The following NCKAP5 variants were observed in gnomAD, a reference collection of about 807,000 sequenced individuals.
NCKAP5 encodes the protein nck-associated protein 5.
A neutral mutation model predicts 167.0 loss-of-function variants in NCKAP5; 92 were observed. The observed-to-expected ratio is 0.55, with a 90% confidence interval of 0.47 to 0.66. NCKAP5 has a LOEUF of 0.66. Ranked by LOEUF, NCKAP5 falls within the 30% of genes least tolerant of loss-of-function variation. NCKAP5 has a pLI of 0.00. For missense variants in NCKAP5, 2,378 were observed against 2,315.0 expected (o/e 1.03, Z -0.56); for synonymous variants, 891 against 877.4 (o/e 1.02, Z -0.27).
rs747841058 is a variant in NCKAP5 at position 133,512,292 on chromosome 2, G to A, written c.69+5166C>T. On this transcript the variant is annotated intron_variant, in intron 3 of 19. Transcript: ENST00000409261. ...TGGGGTATATGTACCTTTGATAACA[G>A]CCTAAACCTGTTCCTCTGCCTGCCC... Among the ~76,000 whole-genome samples, 69 of 152,040 alleles carry A rather than the reference G, an allele frequency of 4.5e-4. 2 individuals are homozygous for A. Among genetic ancestry groups the A allele is most frequent in the Admixed American group, 4.6e-4 (7 of 15,266 alleles).
At chr2:132,864,372 G>T (rs986461408) in intron 10 of NCKAP5, among the ~76,000 whole-genome samples, 1 of 152,060 alleles carries the variant, frequency 6.6e-6, no homozygotes, top group African/African-American at 2.4e-5. Context: ...AAGGTACAGT[G>T]GTGTTTGGGT....
intron 11 of NCKAP5, among the ~76,000 whole-genome samples, chr2:132,850,620 T>C (rs895771269): frequency 3.3e-5 from 5 of 152,034 alleles, no homozygotes; most frequent in African/African-American, 1.2e-4. Flanking sequence ...GTTTGGGAAA[T>C]GGCATATTTG....
At chr2:132,683,429 G>T (rs1254663487) in intron 19 of NCKAP5, among the ~76,000 whole-genome samples, 1 of 152,148 alleles carries the variant, frequency 6.6e-6, no homozygotes, top group Non-Finnish European at 1.5e-5. Flanking sequence ...AAGACATGTG[G>T]ATTCACCTCC....
At chr2:132,969,578 CTT>C (rs985601162) in intron 7 of NCKAP5, among the ~76,000 whole-genome samples, 60 of 152,162 alleles carry the variant, frequency 3.9e-4, no homozygotes, top group African/African-American at 1.4e-3. Context: ...GAGGCCAGCT[CTT>C]GAGGCATTCA....
At chr2:133,475,827 A>G (rs1350227236) in intron 3 of NCKAP5, among the ~76,000 whole-genome samples, 1 of 152,244 alleles carries the variant, frequency 6.6e-6, no homozygotes, top group Non-Finnish European at 1.5e-5. Flanking sequence ...AAAGGCATCA[A>G]TATTCTCTTA....
In NCKAP5 at chr2:133,566,057, C is replaced by A. The variant is rs934840446; in HGVS notation, c.-130+2159G>T. Among the ~76,000 whole-genome samples the A allele has an allele frequency of 2.0e-5, 3 of 152,092 alleles. No homozygotes were observed. In the South Asian group the frequency reaches 6.2e-4, roughly 32 times the overall value. On this transcript the variant is annotated intron_variant, in intron 1 of 19. Transcript: ENST00000409261. ...GAATCACCACTTGGACCAGGAGAGT[C>A]CAGGAAGGCCCCCCGCCCCTAGGTA...
intron 3 of NCKAP5, among the ~76,000 whole-genome samples, chr2:133,461,933 T>C (rs763813518): frequency 6.6e-6 from 1 of 152,168 alleles, no homozygotes; most frequent in African/African-American, 2.4e-5. Context: ...GCTTTTCACT[T>C]ACTGTGTCAT....
intron 6 of NCKAP5, among the ~76,000 whole-genome samples, chr2:133,027,600 T>C (rs923949071): frequency 1.3e-5 from 2 of 152,132 alleles, no homozygotes; most frequent in African/African-American, 2.4e-5. Context: ...TAAGGGTATA[T>C]AGGGAGTTGT....
At chr2:133,519,154 T>C (rs1419744894) in intron 2 of NCKAP5, among the ~76,000 whole-genome samples, 2 of 152,308 alleles carry the variant, frequency 1.3e-5, no homozygotes, top group East Asian at 1.9e-4. Context: ...AGATGGGGAA[T>C]GCCCAAACTA....
At chr2:133,368,821 AG>A (rs1685613556) in intron 3 of NCKAP5, among the ~76,000 whole-genome samples, 1 of 152,386 alleles carries the variant, frequency 6.6e-6, no homozygotes, top group East Asian at 1.9e-4. Context: ...ATCTCAAATA[AG>A]AGAATACAGT....
At chr2:133,337,189 ACTCACACTC>A (rs1362594169) in intron 3 of NCKAP5, among the ~76,000 whole-genome samples, 1 of 152,142 alleles carries the variant, frequency 6.6e-6, no homozygotes, top group Non-Finnish European at 1.5e-5. Flanking sequence ...TAGTACATGG[ACTCACACTC>A]AACATACCTG....
At chr2:132,690,527 G>A (rs1257509058) in intron 19 of NCKAP5, among the ~76,000 whole-genome samples, 3 of 152,156 alleles carry the variant, frequency 2.0e-5, no homozygotes, top group Admixed American at 6.6e-5. Context: ...TATGCCCTAG[G>A]AACTCAGCTC....
intron 6 of NCKAP5, among the ~76,000 whole-genome samples, chr2:133,063,753 G>T (rs1476748051): frequency 6.6e-6 from 1 of 152,186 alleles, no homozygotes; most frequent in Non-Finnish European, 1.5e-5. Context: ...AATATTAGCT[G>T]AGCAAAGTGA....
chr2:133,571,147 C>T (rs756312545), upstream of NCKAP5, among the ~76,000 whole-genome samples: 10 of 152,070 alleles, frequency 6.6e-5, no homozygotes, highest in Non-Finnish European at 1.0e-4. Flanking sequence ...AGATATCTTA[C>T]GTCTATAATC....
At chr2:133,635,877 G>A in the NCKAP5 span, among the ~76,000 whole-genome samples, 1 of 152,190 alleles carries the variant, frequency 6.6e-6, no homozygotes, top group African/African-American at 2.4e-5. Flanking sequence ...GAAGGAATGA[G>A]CCAAACCTTT....
chr2:133,126,478 T>G (rs998476189), intron 6 of NCKAP5, among the ~76,000 whole-genome samples: 9 of 152,198 alleles, frequency 5.9e-5, no homozygotes, highest in African/African-American at 2.2e-4. Context: ...TCACTTGTGA[T>G]CTCTTAGACA....
At chr2:133,654,375 C>T in the NCKAP5 span, among the ~76,000 whole-genome samples, 6 of 77,268 alleles carry the variant, frequency 7.8e-5, no homozygotes, top group African/African-American at 2.9e-4. Context: ...GAGACTCTAT[C>T]TCAAATAAAT....
chr2:133,601,816 G>A, the NCKAP5 span, among the ~76,000 whole-genome samples: 19,053 of 151,932 alleles, frequency 0.13, 2,563 homozygotes, highest in East Asian at 0.34. Flanking sequence ...CCTAAGATAC[G>A]AATGTCCTAA....
At chr2:133,151,965 T>C (rs1338079638) in intron 5 of NCKAP5, among the ~76,000 whole-genome samples, 2 of 151,990 alleles carry the variant, frequency 1.3e-5, no homozygotes, top group East Asian at 3.9e-4. Flanking sequence ...ACCAACAACC[T>C]GCACATGAAT....
Sources: gnomAD v4.1 joint callset for allele counts (sites outside exome capture counted in the v4.1 genomes callset) on GRCh38, gnomAD v4.1.1 for gene constraint, MANE v1.5 for transcripts, NCBI Gene and HGNC (gene_info 2026-07-23, HGNC 2026-07-21) for gene names.